DACT2: variants seen among roughly 807,000 people sequenced by gnomAD.
The protein encoded by DACT2 is dapper homolog 2.
DACT2 carries 20 observed loss-of-function variants against 22.2 expected under a neutral mutation model. That is an observed-to-expected ratio of 0.90 (90% CI 0.63 to 1.31). The LOEUF (loss-of-function observed/expected upper bound fraction) is 1.31. Ranked by LOEUF, DACT2 falls within the 50% of genes most tolerant of loss-of-function variation. The probability of loss-of-function intolerance (pLI) is 0.00; values close to 1 mark genes in which losing one functional copy is unlikely to be tolerated. For synonymous variants in DACT2, 463 were observed against 479.8 expected (o/e 0.96, Z 0.46); for missense variants, 1,048 against 1,061.4 (o/e 0.99, Z 0.18).
Position 168,306,954 on chromosome 6 carries a change from T to C in DACT2, c.*478A>G. On this transcript the variant is annotated 3_prime_UTR_variant, in exon 4 of 4. Transcript: ENST00000366795. ...TTTTATTTGAGATCATGGCATAATT[T>C]GGGTGTTTGTGTATGCTGACAGCTT... is the stretch of plus-strand genomic sequence containing the variant. 1.0e-6 allele frequency: 1 copy of C among 990,820 alleles called. No homozygotes were observed. The highest frequency in any genetic ancestry group is 1.2e-6 in the Non-Finnish European group (1 of 833,170). The allele number at this position is 990,820 out of a possible 1,614,324, so 61.4% of individuals were successfully genotyped here.
At chr6:168,296,670 C>G (rs1050371131) in intron 3 of DACT2, among the ~76,000 whole-genome samples, 1 of 152,236 alleles carries the variant, frequency 6.6e-6, no homozygotes, top group African/African-American at 2.4e-5. Flanking sequence ...ATCACGGGCA[C>G]CTCCAGGCAA....
chr6:168,309,010 C>CA lies in DACT2; in HGVS notation c.746dup (p.Asp250GlyfsTer44). 6.5e-7 allele frequency: 1 copy of CA among 1,548,210 alleles called. No homozygotes were observed. Among genetic ancestry groups the CA allele is most frequent in the Non-Finnish European group, 8.7e-7 (1 of 1,146,930 alleles). ...GGTCCGGCACGTGCAGCGGGATATC[C>CA]ACCCCCTGGCAGAGGAGCCCGAGGA... On this transcript the variant is annotated frameshift_variant, in exon 4 of 4. Transcript: ENST00000366795. LOFTEE classifies it low-confidence loss of function (END_TRUNC).
rs757460539 is a variant in DACT2, at chr6:168,308,805, G to A, written c.952C>T (p.Gln318Ter). ...PRGPAGLNTI[Q>*]TGPVLEAGPA... ...CCAGCCTCGAGGACCGGCCCAGTCT[G>A]GATGGTGTTCAGACCTGCGGGGCCC... The change falls in exon 4 of 4, where the codon CAG becomes TAG. Residue 318 changes from glutamine to a stop codon, truncating the protein, a stop_gained. Coordinates refer to ENST00000366795, the MANE Select transcript of DACT2 (RefSeq NM_214462.5). LOFTEE classifies it low-confidence loss of function (END_TRUNC). 7.1e-6 allele frequency: 11 copies of A among 1,551,366 alleles called. No individual in the cohort carries two copies. The highest frequency in any genetic ancestry group is 9.6e-6 in the Non-Finnish European group (11 of 1,147,018).
In DACT2 at chr6:168,311,167, T is replaced by A; in HGVS notation, c.364A>T (p.Ser122Cys). ...TASGEALDSDSRPSSGFYEMS... is the reference protein window; with the variant it reads ...TASGEALDSDCRPSSGFYEMS... ...GCCCTGGTACCTGAGCTGGGCCTGCTGTCGCTGTCCAGGGCCTCCCCTGAG... is the reference window on the plus strand; with the variant it reads ...GCCCTGGTACCTGAGCTGGGCCTGCAGTCGCTGTCCAGGGCCTCCCCTGAG... Residue 122 changes from serine to cysteine, a missense_variant, in exon 2 of 4, where the codon AGC becomes TGC. Transcript: ENST00000366795. The A allele has an allele frequency of 3.3e-6, 5 of 1,534,636 alleles. No homozygotes were observed. In the East Asian group the frequency reaches 9.9e-5, roughly 30 times the overall value.
chr6:168,314,006 CCG>C (rs1779487187), intron 1 of DACT2, among the ~76,000 whole-genome samples: 1 of 93,564 alleles, frequency 1.1e-5, no homozygotes, highest in African/African-American at 4.1e-5. Context: ...GCTTGTAACC[CCG>C]ACCGCGCTTG....
Position 168,307,897 on chromosome 6 carries a change from GCGGGCC to G in DACT2, c.1854_1859del (p.Ala619_Arg620del). The G allele has an allele frequency of 7.0e-7, 1 of 1,420,318 alleles. No homozygotes were observed. The allele number at this position is 1,420,318 out of a possible 1,614,324, so 88.0% of individuals were successfully genotyped here. A position where few individuals can be genotyped will look rare whatever the true frequency, so the allele number is the denominator to read the frequency against. ...GGTTAGACTCAGGACAGCTGGCCAGGCGGGCCCGGGCCGAGATCTCCACGGTGGACT... is the reference window on the plus strand; with the variant it reads ...GGTTAGACTCAGGACAGCTGGCCAGGCGGGCCGAGATCTCCACGGTGGACT... On this transcript the variant is annotated inframe_deletion, in exon 4 of 4. Coordinates refer to ENST00000366795, the MANE Select transcript of DACT2 (RefSeq NM_214462.5). The surrounding 1 kb of genome is among the most constrained non-coding windows in gnomAD (Gnocchi z 5.3).
At chr6:168,313,096 G>A (rs368312060) in intron 1 of DACT2, among the ~76,000 whole-genome samples, 1 of 152,290 alleles carries the variant, frequency 6.6e-6, no homozygotes, top group African/African-American at 2.4e-5. Context: ...CTCCAGGCTG[G>A]AGTGCAGTGG....
At chr6:168,299,468 A>G (rs555054795) in intron 3 of DACT2, 1 of 152,340 alleles carries the variant, frequency 6.6e-6, no homozygotes, top group South Asian at 2.1e-4. Context: ...TTGGTTAAAT[A>G]AAAAGGATAT....
Position 168,308,038 on chromosome 6 carries a change from G to C in DACT2, c.1719C>G (p.Val573=). ...TCTCCTGCGGGGCCACTGCCAAGGGGACGAGGACAGGCATGGGGTAGAGGG... is the reference window on the plus strand; with the variant it reads ...TCTCCTGCGGGGCCACTGCCAAGGGCACGAGGACAGGCATGGGGTAGAGGG... ...ESTLYPMPVL[V]PLAVAPQESH... is the part of the protein sequence containing the mutation. The change falls in exon 4 of 4, where the codon GTC becomes GTG. Residue 573 remains valine (V), a synonymous_variant. Coordinates refer to ENST00000366795, the MANE Select transcript of DACT2 (RefSeq NM_214462.5). 1.3e-6 allele frequency: 2 copies of C among 1,549,392 alleles called. No individual in the cohort carries two copies. The highest frequency in any genetic ancestry group is 3.3e-4 in the Middle Eastern group (2 of 5,980).
intron 1 of DACT2, among the ~76,000 whole-genome samples, 173 bp from the exon 2 acceptor site, chr6:168,311,457 T>A (rs561763566): frequency 2.0e-5 from 3 of 152,140 alleles, no homozygotes; most frequent in South Asian, 4.2e-4. Context: ...ATTTCCTTGT[T>A]CCACTGTCAC....
At chr6:168,294,259 C>G (rs1285943327) in intron 4 of DACT2, 8 of 702,710 alleles carry the variant, frequency 1.1e-5, no homozygotes. Context: ...TCTGTCACAT[C>G]TGTCCCCGAA....
intron 3 of DACT2, among the ~76,000 whole-genome samples, chr6:168,295,231 CA>C (rs1445009215): frequency 2.6e-5 from 4 of 152,330 alleles, no homozygotes; most frequent in Admixed American, 2.0e-4. Flanking sequence ...CACTTTTCCG[CA>C]GATATAATAC....
At chr6:168,293,786 G>C (rs1447784272) in exon 6 of DACT2, 1 of 680,886 alleles carries the variant, frequency 1.5e-6, no homozygotes, top group Non-Finnish European at 2.7e-6. Context: ...TTGGCGGGCA[G>C]AGGGGGGCCG....
intron 3 of DACT2, among the ~76,000 whole-genome samples, chr6:168,295,311 C>T (rs1778989835): frequency 6.6e-6 from 1 of 152,198 alleles, no homozygotes; most frequent in South Asian, 2.1e-4. Flanking sequence ...GCTTTTGCTT[C>T]AGAACCTGGG....
intron 3 of DACT2, among the ~76,000 whole-genome samples, chr6:168,301,323 C>CTACACCTCTGCTTCGG (rs779821440): frequency 6.6e-6 from 1 of 152,218 alleles, no homozygotes; most frequent in Non-Finnish European, 1.5e-5. Context: ...CATTCTCCCC[C>CTACACCTCTGCTTCGG]TACACCTCTG....
rs1291910728 is a variant in DACT2 at position 168,310,187 on chromosome 6, C to T, written c.639G>A (p.Trp213Ter). ...TCTTACCTGTAGACACAGGCCTGGGCCAGAATGTGCCCCACGGCTGGCCTG... is the reference window on the plus strand; with the variant it reads ...TCTTACCTGTAGACACAGGCCTGGGTCAGAATGTGCCCCACGGCTGGCCTG... ...EDAGQPWGTF[W>*]PRPVSTGDLD... The change falls in exon 3 of 4, where the codon TGG becomes TGA. Residue 213 changes from tryptophan to a stop codon, truncating the protein, a stop_gained. Transcript: ENST00000366795. LOFTEE classifies it low-confidence loss of function (END_TRUNC). 6.5e-7 allele frequency: 1 copy of T among 1,550,300 alleles called. No homozygotes were observed. Among genetic ancestry groups the T allele is most frequent in the South Asian group, 1.2e-5 (1 of 84,010 alleles).
chr6:168,319,767 G>T lies in DACT2; in HGVS notation c.-134C>A. Reference sequence around the variant, plus strand: ...CCCGGCTCCGCAGGTCGCCAAGGTGGGCTGGAATCTGTGGCCAGGCGCGGA... The same window carrying T: ...CCCGGCTCCGCAGGTCGCCAAGGTGTGCTGGAATCTGTGGCCAGGCGCGGA... On this transcript the variant is annotated 5_prime_UTR_variant, in exon 1 of 4. Transcript: ENST00000366795. 1 of 1,170,254 alleles carries T rather than the reference G, an allele frequency of 8.5e-7. No homozygotes were observed. The highest frequency in any genetic ancestry group is 3.8e-5 in the East Asian group (1 of 26,594). The allele number at this position is 1,170,254 out of a possible 1,614,324, so 72.5% of individuals were successfully genotyped here. A position where few individuals can be genotyped will look rare whatever the true frequency, so the allele number is the denominator to read the frequency against.
Position 168,319,696 on chromosome 6 carries a change from G to T in DACT2, c.-63C>A. On this transcript the variant is annotated 5_prime_UTR_variant, in exon 1 of 4. Coordinates refer to ENST00000366795, the MANE Select transcript of DACT2 (RefSeq NM_214462.5). ...CGGCGCCGGAGGCCCAGCGCGCGCG[G>T]ATCCCGAGCTGTGTCGCGGGTCCTC... The T allele has an allele frequency of 8.4e-7, 1 of 1,191,970 alleles. No individual in the cohort carries two copies. The highest frequency in any genetic ancestry group is 1.0e-6 in the Non-Finnish European group (1 of 961,660). The allele number at this position is 1,191,970 out of a possible 1,614,324, so 73.8% of individuals were successfully genotyped here. A position where few individuals can be genotyped will look rare whatever the true frequency, so the allele number is the denominator to read the frequency against.
intron 3 of DACT2, among the ~76,000 whole-genome samples, chr6:168,297,073 A>T (rs1359498100): frequency 6.6e-6 from 1 of 152,250 alleles, no homozygotes; most frequent in African/African-American, 2.4e-5. Context: ...AATGCACATA[A>T]TGAACCCTAA....
Sources: gnomAD v4.1 joint callset for allele counts (sites outside exome capture counted in the v4.1 genomes callset) on GRCh38, gnomAD v4.1.1 for gene constraint, Gnocchi (gnomAD v3.1) non-coding constraint, MANE v1.5 for transcripts, NCBI Gene and HGNC (gene_info 2026-07-23, HGNC 2026-07-21) for gene names.